EYS: variants seen among roughly 807,000 people sequenced by gnomAD.
EYS encodes the protein protein eyes shut homolog.
Under a neutral mutation model 282.1 loss-of-function variants are expected in EYS, and 250 were observed. The ratio of observed to expected loss-of-function variants is 0.89; its 90% CI spans 0.80 to 0.98. The LOEUF (loss-of-function observed/expected upper bound fraction) is 0.98, where lower values mean the gene tolerates loss of function less well. Among genes scored for constraint, EYS ranks in the 50% least tolerant of loss-of-function variants. EYS has a pLI of 0.00. For synonymous variants in EYS, 1,355 were observed against 1,282.9 expected (o/e 1.06, Z -1.20); for missense variants, 4,016 against 3,709.0 (o/e 1.08, Z -2.15).
At chr6:64,953,709 C>T (rs1769592119) in intron 14 of EYS, among the ~76,000 whole-genome samples, 1 of 151,578 alleles carries the variant, frequency 6.6e-6, no homozygotes, top group African/African-American at 2.4e-5. Context: ...TATTTAGAAA[C>T]AATTTCTATA....
At chr6:65,473,958 T>C (rs1765309207) in intron 5 of EYS, among the ~76,000 whole-genome samples, 1 of 151,958 alleles carries the variant, frequency 6.6e-6, no homozygotes, top group Admixed American at 6.6e-5. Flanking sequence ...CTTTTGTGGA[T>C]GAGTTGCTAC....
At chr6:64,088,325 C>A (rs1440115278) in intron 31 of EYS, among the ~76,000 whole-genome samples, 2 of 151,940 alleles carry the variant, frequency 1.3e-5, no homozygotes, top group Non-Finnish European at 2.9e-5. Context: ...AAACATCTTA[C>A]ATATAGTATA....
At chr6:64,094,219 T>G (rs1382319665) in intron 31 of EYS, among the ~76,000 whole-genome samples, 3 of 152,196 alleles carry the variant, frequency 2.0e-5, no homozygotes, top group Non-Finnish European at 4.4e-5. Context: ...AAATTCTCTT[T>G]TTTGGTTGTG....
intron 12 of EYS, among the ~76,000 whole-genome samples, chr6:65,231,977 C>T (rs937259805): frequency 5.3e-5 from 8 of 151,868 alleles, no homozygotes; most frequent in African/African-American, 1.9e-4. Flanking sequence ...TAGGCAATGC[C>T]ACTATTGTGT....
At chr6:65,062,364 A>C (rs12208073) in intron 12 of EYS, among the ~76,000 whole-genome samples, 39,241 of 151,744 alleles carry the variant, frequency 0.26, 5,420 homozygotes, top group South Asian at 0.31. Flanking sequence ...CTAAAAATGT[A>C]CCAAACCTGT....
chr6:64,117,035 AG>A (rs1458545936), intron 31 of EYS, among the ~76,000 whole-genome samples: 3 of 152,116 alleles, frequency 2.0e-5, no homozygotes, highest in Non-Finnish European at 2.9e-5. Flanking sequence ...AATAAGGAAA[AG>A]TCACAATTGA....
At chr6:64,502,470 C>T (rs1777084157) in intron 26 of EYS, among the ~76,000 whole-genome samples, 1 of 152,156 alleles carries the variant, frequency 6.6e-6, no homozygotes, top group Non-Finnish European at 1.5e-5. Context: ...ATCCGCCCGC[C>T]TCGGCCTCCC....
intron 22 of EYS, among the ~76,000 whole-genome samples, chr6:64,760,573 G>A (rs1773125460): frequency 6.6e-6 from 1 of 152,140 alleles, no homozygotes; most frequent in Non-Finnish European, 1.5e-5. Context: ...CATGAGCCAA[G>A]ATACTTATCA....
intron 37 of EYS, among the ~76,000 whole-genome samples, chr6:63,798,985 G>A (rs1261288003): frequency 3.3e-4 from 29 of 87,512 alleles, no homozygotes; most frequent in African/African-American, 1.4e-3. Flanking sequence ...ATGTATATGT[G>A]TGTATATATA....
At chr6:65,499,592 G>T (rs2127275818) in intron 2 of EYS, among the ~76,000 whole-genome samples, 1 of 152,032 alleles carries the variant, frequency 6.6e-6, no homozygotes, top group South Asian at 2.1e-4. Flanking sequence ...AAATAGAAGA[G>T]ATAAAATTAA....
At chr6:64,322,006 T>C (rs889965549) in intron 29 of EYS, among the ~76,000 whole-genome samples, 4 of 151,994 alleles carry the variant, frequency 2.6e-5, no homozygotes, top group Non-Finnish European at 4.4e-5. Context: ...ATAGTCTACA[T>C]GTAGAAGTAA....
chr6:64,241,725 T>A (rs941607903), intron 30 of EYS, among the ~76,000 whole-genome samples: 2 of 151,682 alleles, frequency 1.3e-5, no homozygotes, highest in Admixed American at 1.3e-4. Context: ...TTATTTCTTG[T>A]CTTCTGCTAG....
intron 24 of EYS, among the ~76,000 whole-genome samples, chr6:64,603,475 G>GA (rs1562087079): frequency 2.0e-5 from 3 of 151,908 alleles, no homozygotes; most frequent in South Asian, 2.1e-4. Context: ...CGCCCTTCTT[G>GA]AAAAAATCCA....
chr6:65,560,705 T>G (rs1456011644), intron 2 of EYS, among the ~76,000 whole-genome samples: 3 of 151,966 alleles, frequency 2.0e-5, no homozygotes, highest in Non-Finnish European at 2.9e-5. Context: ...TAAAGCATAT[T>G]AAATGGATAT....
At chr6:64,913,601 G>T (rs924868051) in intron 15 of EYS, among the ~76,000 whole-genome samples, 3 of 152,068 alleles carry the variant, frequency 2.0e-5, no homozygotes, top group Non-Finnish European at 4.4e-5. Context: ...TTCTTTTCAT[G>T]GTTTTGTAGG....
intron 2 of EYS, among the ~76,000 whole-genome samples, chr6:65,591,822 T>G (rs1765245004): frequency 6.6e-6 from 1 of 152,038 alleles, no homozygotes; most frequent in Non-Finnish European, 1.5e-5. Context: ...ACTCTTTTTA[T>G]TCTTAACAAA....
chr6:65,000,769 C>A (rs1026004914), intron 13 of EYS, among the ~76,000 whole-genome samples: 8 of 152,178 alleles, frequency 5.3e-5, no homozygotes, highest in African/African-American at 1.7e-4. Flanking sequence ...CAGAGCAAGA[C>A]TCCATTAAAA....
intron 29 of EYS, among the ~76,000 whole-genome samples, chr6:64,359,767 C>T (rs901400522): frequency 6.6e-6 from 1 of 151,606 alleles, no homozygotes; most frequent in Non-Finnish European, 1.5e-5. Context: ...GGCAACAACC[C>T]TATTGGATTA....
chr6:64,049,668 A>G (rs1458197610), intron 33 of EYS, among the ~76,000 whole-genome samples: 1 of 152,140 alleles, frequency 6.6e-6, no homozygotes, highest in Non-Finnish European at 1.5e-5. Context: ...TATTAGCCCA[A>G]CTTGTGACCT....
Sources: allele counts gnomAD v4.1 joint callset (sites outside exome capture counted in the v4.1 genomes callset), GRCh38; gene constraint gnomAD v4.1.1; transcripts MANE v1.5; gene names NCBI Gene and HGNC (gene_info 2026-07-23, HGNC 2026-07-21).